The following CDH13 variants were observed in gnomAD, a reference collection of about 807,000 sequenced individuals.
The protein encoded by CDH13 is cadherin 13, also known as cadherin-13.
Under a neutral mutation model 63.8 loss-of-function variants are expected in CDH13, and 24 were observed. The observed-to-expected ratio is 0.38, with a 90% CI of 0.27 to 0.53. CDH13 has a LOEUF of 0.53. Among genes scored for constraint, CDH13 ranks in the 20% least tolerant of loss-of-function variants. CDH13 has a pLI of 0.85. For missense variants in CDH13, 1,049 were observed against 903.1 expected (o/e 1.16, Z -2.07); for synonymous variants, 503 against 355.3 (o/e 1.42, Z -4.67).
At chr16:83,273,447 A>G (rs1438842921) in intron 5 of CDH13, among the ~76,000 whole-genome samples, 1 of 152,106 alleles carries the variant, frequency 6.6e-6, no homozygotes, top group Non-Finnish European at 1.5e-5. Context: ...AGTGAGAACA[A>G]GGGCATTTGC....
chr16:83,293,434 C>A (rs1427506674), intron 5 of CDH13, among the ~76,000 whole-genome samples: 1 of 152,072 alleles, frequency 6.6e-6, no homozygotes, highest in Non-Finnish European at 1.5e-5. Context: ...CTCAAATTCC[C>A]AGCTGTCATC....
chr16:82,800,839 T>C (rs2036817561), intron 1 of CDH13, among the ~76,000 whole-genome samples: 1 of 152,240 alleles, frequency 6.6e-6, no homozygotes, highest in African/African-American at 2.4e-5. Flanking sequence ...TGAGTTTGGT[T>C]ATTTTACTCA....
At chr16:83,411,447 G>A (rs973478393) in intron 6 of CDH13, among the ~76,000 whole-genome samples, 14 of 152,156 alleles carry the variant, frequency 9.2e-5, no homozygotes, top group Non-Finnish European at 4.4e-5. Context: ...GAAAGCATGG[G>A]CCTTGTCTCT....
At chr16:83,393,406 A>G (rs903486092) in intron 6 of CDH13, among the ~76,000 whole-genome samples, 12 of 152,136 alleles carry the variant, frequency 7.9e-5, no homozygotes, top group Non-Finnish European at 1.5e-4. Flanking sequence ...AGAGAGCTAA[A>G]ATGATCCTTT....
At chr16:83,116,008 A>G (rs1273456839) in intron 3 of CDH13, among the ~76,000 whole-genome samples, 1 of 152,210 alleles carries the variant, frequency 6.6e-6, no homozygotes, top group African/African-American at 2.4e-5. Flanking sequence ...TGCAGGAAGT[A>G]GGATCATTCC....
At chr16:82,741,832 G>A (rs545782226) in intron 1 of CDH13, among the ~76,000 whole-genome samples, 1 of 152,058 alleles carries the variant, frequency 6.6e-6, no homozygotes, top group South Asian at 2.1e-4. Context: ...ATCTGGCATT[G>A]CCAACTGGAG....
chr16:83,228,184 G>C (rs1218005137), intron 5 of CDH13, among the ~76,000 whole-genome samples: 5 of 152,190 alleles, frequency 3.3e-5, no homozygotes, highest in Non-Finnish European at 7.3e-5. Flanking sequence ...TCCCCTAGCA[G>C]ATGCCTGGCA....
chr16:83,134,037 A>G (rs1331534342), intron 4 of CDH13, among the ~76,000 whole-genome samples: 2 of 152,186 alleles, frequency 1.3e-5, no homozygotes, highest in Non-Finnish European at 2.9e-5. Flanking sequence ...TAAAGTGATC[A>G]TAGCCTGCTT....
At position 83,749,211 on chromosome 16, in the gene CDH13, G is replaced by A. The variant is rs149421517; in HGVS notation, c.1681+961G>A. 9.0e-3 allele frequency among the ~76,000 whole-genome samples: 1,377 copies of A among 152,218 alleles called. 19 individuals are homozygous for A. The highest frequency in any genetic ancestry group is 0.031 in the African/African-American group (1,274 of 41,514). On this transcript the variant is annotated intron_variant, in intron 11 of 13. Coordinates refer to ENST00000567109, the MANE Select transcript of CDH13 (RefSeq NM_001257.5). Reference sequence around the variant, plus strand: ...TCCATATCAAGATGAATATTTATAGGTGCCCATTGTTATACTCAACAAGGG... The same window carrying A: ...TCCATATCAAGATGAATATTTATAGATGCCCATTGTTATACTCAACAAGGG...
intron 10 of CDH13, among the ~76,000 whole-genome samples, chr16:83,691,730 C>T (rs75042280): frequency 0.067 from 10,230 of 152,122 alleles, 540 homozygotes; most frequent in African/African-American, 0.14. Flanking sequence ...AGGAGTCGAA[C>T]GGACCTGGGC....
rs1597893993 is a variant in CDH13, at chr16:83,387,333, C to A, written c.781+42327C>A. 2.0e-5 allele frequency among the ~76,000 whole-genome samples: 3 copies of A among 152,302 alleles called. No individual in the cohort carries two copies. In the East Asian group the frequency reaches 5.8e-4, roughly 29 times the overall value. On this transcript the variant is annotated intron_variant, in intron 6 of 13. Coordinates refer to ENST00000567109, the MANE Select transcript of CDH13 (RefSeq NM_001257.5). ...GAAAGTTCTTATTCTCCACTGAGAA[C>A]TAATTGCCTGCAGCAGGTTTCGGCT...
chr16:83,159,793 A>G (rs2037368719), intron 4 of CDH13, among the ~76,000 whole-genome samples: 1 of 152,174 alleles, frequency 6.6e-6, no homozygotes, highest in Admixed American at 6.5e-5. Context: ...AATATAATGC[A>G]CCTGGGCACG....
At chr16:83,616,785 T>A (rs951534986) in intron 8 of CDH13, among the ~76,000 whole-genome samples, 3 of 152,146 alleles carry the variant, frequency 2.0e-5, no homozygotes, top group African/African-American at 7.2e-5. Context: ...TGAACAATTT[T>A]AGAAGTAAGA....
At chr16:83,023,616 A>G (rs1436406058) in intron 2 of CDH13, among the ~76,000 whole-genome samples, 1 of 152,224 alleles carries the variant, frequency 6.6e-6, no homozygotes, top group African/African-American at 2.4e-5. Context: ...TATAGAAACA[A>G]GCATTTTTTA....
intron 5 of CDH13, among the ~76,000 whole-genome samples, chr16:83,299,906 C>T (rs2089691746): frequency 6.6e-6 from 1 of 152,198 alleles, no homozygotes; most frequent in South Asian, 2.1e-4. Context: ...AATCACGATG[C>T]TGACCAGGGC....
At chr16:82,668,866 AC>A (rs1197363678) in intron 1 of CDH13, among the ~76,000 whole-genome samples, 4 of 152,182 alleles carry the variant, frequency 2.6e-5, no homozygotes, top group African/African-American at 9.7e-5. Context: ...CCAGACCTGT[AC>A]CTTCCTGGAC....
At chr16:83,400,428 T>C (rs1597930624) in intron 6 of CDH13, among the ~76,000 whole-genome samples, 2 of 152,128 alleles carry the variant, frequency 1.3e-5, no homozygotes, top group Admixed American at 6.5e-5. Flanking sequence ...CAGGATGGGG[T>C]CATAGTGCGG....
chr16:83,015,677 G>GTATGTA lies in CDH13; in HGVS notation c.158-16330_158-16329insGTATAT, dbSNP rs1555562893. On this transcript the variant is annotated intron_variant, in intron 2 of 13. Transcript: ENST00000567109. ...CATATATGTGTGTGTGTGTGTGTAT[G>GTATGTA]TATATATATATATATATATATATAT... Among the ~76,000 whole-genome samples the GTATGTA allele has an allele frequency of 3.7e-4, 14 of 37,568 alleles. No individual in the cohort carries two copies. The South Asian group carries it at 4.6e-3, about 12-fold the overall frequency. 24.6% of individuals were successfully genotyped at this position (37,568 alleles called of 152,430 possible).
At chr16:82,900,080 C>A (rs112639516) in intron 2 of CDH13, among the ~76,000 whole-genome samples, 11 of 152,296 alleles carry the variant, frequency 7.2e-5, no homozygotes, top group African/African-American at 2.4e-4. Context: ...CATGAACTTA[C>A]TTTGACTTTT....
Sources: gnomAD v4.1 joint callset for allele counts (sites outside exome capture counted in the v4.1 genomes callset) on GRCh38, gnomAD v4.1.1 for gene constraint, MANE v1.5 for transcripts, NCBI Gene and HGNC (gene_info 2026-07-23, HGNC 2026-07-21) for gene names.